The following SEMA3D variants were observed in gnomAD, a reference collection of about 807,000 sequenced individuals.
The protein encoded by SEMA3D is semaphorin 3D.
A neutral mutation model predicts 100.1 loss-of-function variants in SEMA3D; 84 were observed. That is an observed-to-expected ratio of 0.84 (90% CI 0.70 to 1.01). SEMA3D has a LOEUF of 1.01. Ranked by LOEUF, SEMA3D falls within the 50% of genes least tolerant of loss-of-function variation. The pLI, the probability that SEMA3D is intolerant of heterozygous loss-of-function variation, is 0.00. For synonymous variants in SEMA3D, 312 were observed against 320.7 expected, an observed-to-expected ratio of 0.97 and a Z score of 0.29; for missense variants, 875 against 934.1, an observed-to-expected ratio of 0.94 and a Z score of 0.82.
upstream of SEMA3D, among the ~76,000 whole-genome samples, chr7:85,188,638 C>G (rs1791626937): frequency 6.6e-6 from 1 of 151,996 alleles, no homozygotes; most frequent in African/African-American, 2.4e-5. Context: ...TTTAGAAAAT[C>G]TCTATTTTTA....
intron 5 of SEMA3D, among the ~76,000 whole-genome samples, chr7:85,078,174 G>A (rs1241338148): frequency 6.6e-6 from 1 of 152,060 alleles, no homozygotes; most frequent in East Asian, 1.9e-4. Flanking sequence ...GTGTTCATGG[G>A]GGAGAGGTAT....
chr7:85,011,831 G>T (rs914046023), intron 17 of SEMA3D, among the ~76,000 whole-genome samples: 1 of 151,690 alleles, frequency 6.6e-6, no homozygotes, highest in African/African-American at 2.4e-5. Flanking sequence ...TTTAAATCAA[G>T]CAAACACTAC....
intron 1 of SEMA3D, among the ~76,000 whole-genome samples, chr7:85,156,683 T>C (rs911249504): frequency 1.3e-5 from 2 of 152,160 alleles, no homozygotes; most frequent in African/African-American, 4.8e-5. Context: ...AGGCCATTTA[T>C]ATTCATGAAA....
At chr7:85,162,272 T>C (rs1790768333) in intron 1 of SEMA3D, among the ~76,000 whole-genome samples, 2 of 152,086 alleles carry the variant, frequency 1.3e-5, no homozygotes, top group African/African-American at 4.8e-5. Context: ...GCACTGTATG[T>C]CCTGCGCAAT....
At chr7:85,139,500 A>T (rs1789980217) in intron 2 of SEMA3D, among the ~76,000 whole-genome samples, 1 of 152,108 alleles carries the variant, frequency 6.6e-6, no homozygotes, top group Non-Finnish European at 1.5e-5. Context: ...CCTGAAATCC[A>T]TGTAATAATA....
chr7:85,151,815 C>T, intron 2 of SEMA3D: 1 of 735,518 alleles, frequency 1.4e-6, no homozygotes, highest in Non-Finnish European at 1.7e-6. Context: ...TTTTAAAATT[C>T]CAAATTTTAG....
At position 85,068,175 on chromosome 7, in the gene SEMA3D, C is replaced by T; in HGVS notation, c.589+16G>A. On this transcript the variant is annotated intron_variant, in intron 7 of 18. Coordinates refer to ENST00000284136, the MANE Select transcript of SEMA3D (RefSeq NM_001384900.1). ...AAAACCATTTAAGGATAAGAACTGC[C>T]TGTCATTGATCTTACCTGTCATTAC... 11 of 1,435,512 alleles carry T rather than the reference C, an allele frequency of 7.7e-6. No individual in the cohort carries two copies. Among genetic ancestry groups the T allele is most frequent in the African/African-American group, 1.4e-5 (1 of 71,300 alleles). 88.9% of individuals were successfully genotyped at this position (1,435,512 alleles called of 1,614,324 possible).
the SEMA3D span, among the ~76,000 whole-genome samples, chr7:85,237,448 C>A: frequency 6.6e-6 from 1 of 152,090 alleles, no homozygotes; most frequent in South Asian, 2.1e-4. Context: ...ATACTCATAC[C>A]TTCCTGTCTG....
chr7:85,154,544 C>A (rs935149455), intron 1 of SEMA3D, among the ~76,000 whole-genome samples: 1 of 152,194 alleles, frequency 6.6e-6, no homozygotes, highest in Middle Eastern at 3.4e-3. Context: ...TACTTATTAA[C>A]ACCTTGGAAA....
chr7:85,056,879 T>G (rs1791332539), intron 8 of SEMA3D, among the ~76,000 whole-genome samples: 1 of 112,306 alleles, frequency 8.9e-6, no homozygotes, highest in Non-Finnish European at 1.8e-5. Flanking sequence ...TTATATAGCA[T>G]ACATATACAG....
intron 12 of SEMA3D, among the ~76,000 whole-genome samples, chr7:85,034,167 A>G (rs1168911728): frequency 6.6e-6 from 1 of 152,152 alleles, no homozygotes; most frequent in Admixed American, 6.6e-5. Context: ...TGGGATTATG[A>G]TCAGTATTAA....
At chr7:85,018,083 C>T (rs1266353440) in intron 15 of SEMA3D, among the ~76,000 whole-genome samples, 169 bp downstream of exon 15, 1 of 151,636 alleles carries the variant, frequency 6.6e-6, no homozygotes, top group Non-Finnish European at 1.5e-5. Context: ...CAATTTCTCC[C>T]AAGGCAAGGC....
chr7:85,017,284 CTG>C (rs1790131034), intron 15 of SEMA3D, among the ~76,000 whole-genome samples: 1 of 151,730 alleles, frequency 6.6e-6, no homozygotes, highest in Non-Finnish European at 1.5e-5. Flanking sequence ...TTTCTTGTCT[CTG>C]TCTTTCTAGA....
chr7:85,123,676 G>T (rs988708754), intron 2 of SEMA3D, among the ~76,000 whole-genome samples: 1 of 152,004 alleles, frequency 6.6e-6, no homozygotes, highest in African/African-American at 2.4e-5. Flanking sequence ...TGTTAAACAT[G>T]AGTGCTTAAT....
chr7:85,231,236 C>T, the SEMA3D span, among the ~76,000 whole-genome samples: 7 of 151,978 alleles, frequency 4.6e-5, no homozygotes, highest in African/African-American at 1.4e-4. Flanking sequence ...TCTACTTTAT[C>T]GTACGTATCC....
At chr7:85,167,069 T>TCC (rs1790925794) in intron 1 of SEMA3D, among the ~76,000 whole-genome samples, 1 of 151,902 alleles carries the variant, frequency 6.6e-6, no homozygotes. Context: ...GAAATATCCA[T>TCC]TAGGATGGCT....
upstream of SEMA3D, among the ~76,000 whole-genome samples, chr7:85,188,564 T>G (rs1252408027): frequency 1.3e-5 from 2 of 152,240 alleles, no homozygotes; most frequent in Non-Finnish European, 2.9e-5. Context: ...AATGTCATTG[T>G]GCAAATAAAA....
chr7:85,069,208 C>T (rs1433237734), intron 6 of SEMA3D, among the ~76,000 whole-genome samples: 1 of 152,078 alleles, frequency 6.6e-6, no homozygotes, highest in Non-Finnish European at 1.5e-5. Context: ...CCATTCAGTG[C>T]AACTTATGTA....
chr7:85,018,160 T>A, intron 15 of SEMA3D, 92 bp downstream of exon 15: 2 of 789,984 alleles, frequency 2.5e-6, no homozygotes, highest in South Asian at 3.0e-5. Flanking sequence ...AAAATTTAAC[T>A]CCCAATTTCA....
Sources: gnomAD v4.1 joint callset for allele counts (sites outside exome capture counted in the v4.1 genomes callset) on GRCh38, gnomAD v4.1.1 for gene constraint, MANE v1.5 for transcripts, NCBI Gene and HGNC (gene_info 2026-07-23, HGNC 2026-07-21) for gene names.